The following LRP1B variants were observed in gnomAD, a reference collection of about 807,000 sequenced individuals.
LRP1B encodes low-density lipoprotein receptor-related protein 1B.
A neutral mutation model predicts 556.6 loss-of-function variants in LRP1B; 217 were observed. The observed-to-expected ratio is 0.39, with a 90% CI of 0.35 to 0.44. LRP1B has a LOEUF of 0.44. Ranked by LOEUF, LRP1B falls within the 20% of genes least tolerant of loss-of-function variation. LRP1B has a pLI of 1.00. For synonymous variants in LRP1B, 2,047 were observed against 1,865.8 expected, an observed-to-expected ratio of 1.10 and a Z score of -2.50; for missense variants, 5,053 against 5,620.8, an observed-to-expected ratio of 0.90 and a Z score of 3.23.
intron 2 of LRP1B, among the ~76,000 whole-genome samples, chr2:141,636,082 C>T (rs1689100345): frequency 6.6e-6 from 1 of 151,970 alleles, no homozygotes; most frequent in Non-Finnish European, 1.5e-5. Context: ...TTTATTGAGA[C>T]TATTCTGGGT....
At chr2:141,920,861 A>G (rs1248815384) in intron 1 of LRP1B, among the ~76,000 whole-genome samples, 2 of 151,996 alleles carry the variant, frequency 1.3e-5, no homozygotes, top group Non-Finnish European at 2.9e-5. Flanking sequence ...ATAAGTTTGC[A>G]CTTGTCCTCT....
intron 84 of LRP1B, among the ~76,000 whole-genome samples, chr2:140,288,373 TTTC>T (rs1317324149): frequency 6.6e-6 from 1 of 151,860 alleles, no homozygotes; most frequent in African/African-American, 2.4e-5. Flanking sequence ...AGGAATTTAA[TTTC>T]TTCTCTTTAA....
intron 6 of LRP1B, among the ~76,000 whole-genome samples, chr2:141,191,183 T>C (rs1574174445): frequency 6.6e-6 from 1 of 151,976 alleles, no homozygotes; most frequent in East Asian, 1.9e-4. Context: ...AACCATCTCT[T>C]TGGGTCTTCA....
chr2:141,934,421 C>A (rs180976441), intron 1 of LRP1B, among the ~76,000 whole-genome samples: 23 of 152,214 alleles, frequency 1.5e-4, no homozygotes, highest in Non-Finnish European at 2.6e-4. Flanking sequence ...CCAAGCAAAT[C>A]TGAGGAGGAT....
intron 2 of LRP1B, among the ~76,000 whole-genome samples, chr2:141,594,455 G>A (rs1687446956): frequency 6.6e-6 from 1 of 152,086 alleles, no homozygotes; most frequent in Non-Finnish European, 1.5e-5. Context: ...ATATAGAATT[G>A]AAGCTTCCAG....
intron 3 of LRP1B, among the ~76,000 whole-genome samples, chr2:141,301,143 T>A (rs1402174230): frequency 1.3e-5 from 2 of 152,132 alleles, no homozygotes; most frequent in African/African-American, 4.8e-5. Context: ...TTCCTTAAAA[T>A]TTTTCATACT....
intron 41 of LRP1B, among the ~76,000 whole-genome samples, 158 bp downstream of exon 41, chr2:140,700,092 G>A (rs1374587088): frequency 6.7e-6 from 1 of 149,856 alleles, no homozygotes. Flanking sequence ...ACATTTGGCG[G>A]GGGGGTGGGG....
intron 2 of LRP1B, among the ~76,000 whole-genome samples, chr2:141,659,062 C>T (rs1267727183): frequency 6.6e-6 from 1 of 152,066 alleles, no homozygotes; most frequent in Non-Finnish European, 1.5e-5. Flanking sequence ...CACCACTATA[C>T]CCGACTAATT....
intron 83 of LRP1B, among the ~76,000 whole-genome samples, chr2:140,307,310 C>T (rs1207011462): frequency 6.6e-6 from 1 of 151,912 alleles, no homozygotes; most frequent in African/African-American, 2.4e-5. Context: ...ATGCCTGCCA[C>T]ATAGCCAGTC....
At chr2:140,696,551 C>T (rs1686436139) in intron 41 of LRP1B, among the ~76,000 whole-genome samples, 1 of 152,128 alleles carries the variant, frequency 6.6e-6, no homozygotes, top group African/African-American at 2.4e-5. Flanking sequence ...TGTCCTCAAT[C>T]AGAGGTTGCC....
At chr2:141,568,204 C>T (rs1290838219) in intron 2 of LRP1B, among the ~76,000 whole-genome samples, 1 of 151,012 alleles carries the variant, frequency 6.6e-6, no homozygotes, top group Non-Finnish European at 1.5e-5. Context: ...TAAGGATGGG[C>T]TGGCTAACAA....
chr2:140,263,818 T>TTTC (rs1553484095), intron 86 of LRP1B, among the ~76,000 whole-genome samples: 1 of 151,322 alleles, frequency 6.6e-6, no homozygotes, highest in African/African-American at 2.4e-5. Flanking sequence ...TTTTTTTTTT[T>TTTC]CACGTGTCCC....
chr2:140,949,146 T>A (rs904523487), intron 20 of LRP1B, among the ~76,000 whole-genome samples: 3 of 152,228 alleles, frequency 2.0e-5, no homozygotes, highest in African/African-American at 7.2e-5. Context: ...GTTGCTTGTT[T>A]GTTTACGCTG....
intron 1 of LRP1B, among the ~76,000 whole-genome samples, chr2:142,096,952 T>C (rs1706394252): frequency 6.6e-6 from 1 of 151,522 alleles, no homozygotes; most frequent in Non-Finnish European, 1.5e-5. Context: ...AGTTCCAAAA[T>C]CTGATGGAGT....
chr2:140,521,689 T>A (rs1161032422), intron 49 of LRP1B, among the ~76,000 whole-genome samples: 1 of 151,946 alleles, frequency 6.6e-6, no homozygotes, highest in Non-Finnish European at 1.5e-5. Context: ...CATATCAATA[T>A]TAACCTTCAA....
At chr2:140,883,393 G>A (rs576805748) in intron 25 of LRP1B, among the ~76,000 whole-genome samples, 1 of 152,210 alleles carries the variant, frequency 6.6e-6, no homozygotes, top group Admixed American at 6.6e-5. Flanking sequence ...AATAAAGGGT[G>A]AAGTGGCTAA....
chr2:141,438,940 G>A (rs1338083451), intron 3 of LRP1B, among the ~76,000 whole-genome samples: 1 of 152,108 alleles, frequency 6.6e-6, no homozygotes, highest in African/African-American at 2.4e-5. Flanking sequence ...ATTTAACAGA[G>A]CCTTCCTAAA....
chr2:141,395,394 C>T lies in LRP1B; in HGVS notation c.343+85002G>A, dbSNP rs1690204286. Among the ~76,000 whole-genome samples, 2 of 152,038 alleles carry T rather than the reference C, an allele frequency of 1.3e-5. 1 individual carries two copies. Among genetic ancestry groups the T allele is most frequent in the South Asian group, 4.1e-4 (2 of 4,826 alleles). ...ATTATTTTGTTACATTTGCTTACAG[C>T]ATTTGGTAAAGTAATATGTTATACA... On this transcript the variant is annotated intron_variant, in intron 3 of 90. Transcript: ENST00000389484.
chr2:140,274,412 G>T lies in LRP1B; in HGVS notation c.13142+12C>A, dbSNP rs1306729663. ...CAAATGCTTTTATAAATTAAGCTGG[G>T]TGTCCACTTACTTGCAAAATATATC... is the stretch of plus-strand genomic sequence containing the variant. On this transcript the variant is annotated intron_variant, in intron 85 of 90. Transcript: ENST00000389484. The T allele has an allele frequency of 6.2e-7, 1 of 1,610,526 alleles. No homozygotes were observed.
Sources: allele counts gnomAD v4.1 joint callset (sites outside exome capture counted in the v4.1 genomes callset), GRCh38; gene constraint gnomAD v4.1.1; transcripts MANE v1.5; gene names NCBI Gene and HGNC (gene_info 2026-07-23, HGNC 2026-07-21).